Variants in TMEM117 observed in about 807,000 individuals in gnomAD.
TMEM117 encodes transmembrane protein 117.
In TMEM117, 27 loss-of-function variants were observed where a neutral mutation model predicts 52.4. The observed-to-expected ratio is 0.51, with a 90% CI of 0.38 to 0.71. The LOEUF (loss-of-function observed/expected upper bound fraction) is 0.71, where lower values mean the gene tolerates loss of function less well. Ranked by LOEUF, TMEM117 falls within the 30% of genes least tolerant of loss-of-function variation. TMEM117 has a pLI of 0.00. For synonymous variants in TMEM117, 215 were observed against 206.3 expected (o/e 1.04, Z -0.36); for missense variants, 556 against 630.5 (o/e 0.88, Z 1.26).
chr12:43,958,876 G>A (rs1478959572), intron 3 of TMEM117, among the ~76,000 whole-genome samples: 1 of 152,006 alleles, frequency 6.6e-6, no homozygotes, highest in Non-Finnish European at 1.5e-5. Context: ...GCGGGATCTC[G>A]GCTCACTGCA....
chr12:44,139,173 A>G (rs1948535141), intron 3 of TMEM117, among the ~76,000 whole-genome samples: 1 of 152,116 alleles, frequency 6.6e-6, no homozygotes, highest in African/African-American at 2.4e-5. Flanking sequence ...TCAGTGAAGT[A>G]TGGATCCATA....
chr12:44,226,024 C>T (rs929262072), intron 5 of TMEM117, among the ~76,000 whole-genome samples: 3 of 152,192 alleles, frequency 2.0e-5, no homozygotes, highest in Non-Finnish European at 2.9e-5. Flanking sequence ...CACCCATACA[C>T]ATGTTCATTT....
chr12:44,156,785 G>C (rs1948831369), intron 4 of TMEM117, among the ~76,000 whole-genome samples: 1 of 152,018 alleles, frequency 6.6e-6, no homozygotes, highest in Admixed American at 6.6e-5. Context: ...TATGAAGAGG[G>C]TTGGCTTTCT....
intron 3 of TMEM117, among the ~76,000 whole-genome samples, chr12:43,993,398 T>G (rs1418408316): frequency 1.3e-5 from 2 of 152,224 alleles, no homozygotes; most frequent in Non-Finnish European, 2.9e-5. Context: ...TCACTTGTAC[T>G]ATATGCCTCA....
At chr12:44,097,836 G>A (rs2138065347) in intron 3 of TMEM117, among the ~76,000 whole-genome samples, 2 of 151,484 alleles carry the variant, frequency 1.3e-5, no homozygotes, top group South Asian at 4.2e-4. Context: ...TTGTGCACAT[G>A]TACCCTAAAA....
At chr12:43,880,637 G>T (rs1592329291) in intron 2 of TMEM117, among the ~76,000 whole-genome samples, 1 of 152,282 alleles carries the variant, frequency 6.6e-6, no homozygotes, top group Non-Finnish European at 1.5e-5. Flanking sequence ...TCTCCTGCAG[G>T]CTGAGACAGT....
chr12:44,135,117 T>C (rs965779743), intron 3 of TMEM117, among the ~76,000 whole-genome samples: 1 of 152,222 alleles, frequency 6.6e-6, no homozygotes, highest in Non-Finnish European at 1.5e-5. Context: ...ATCACTGGGT[T>C]ATTTTCTCAT....
the TMEM117 span, among the ~76,000 whole-genome samples, chr12:43,826,944 G>A: frequency 2.0e-5 from 3 of 151,950 alleles, no homozygotes; most frequent in East Asian, 5.8e-4. Flanking sequence ...GTTGGTTGAC[G>A]ATGCAATGAC....
the TMEM117 span, among the ~76,000 whole-genome samples, chr12:44,394,922 C>T: frequency 6.6e-6 from 1 of 152,322 alleles, no homozygotes; most frequent in Admixed American, 6.5e-5. Context: ...AGCCACAGTG[C>T]TTTGTAGAAT....
chr12:44,334,185 T>C (rs1183661469), intron 6 of TMEM117, among the ~76,000 whole-genome samples: 2 of 152,092 alleles, frequency 1.3e-5, no homozygotes, highest in East Asian at 3.9e-4. Flanking sequence ...TTCTTAAGTA[T>C]GATTTCAAAT....
intron 2 of TMEM117, among the ~76,000 whole-genome samples, chr12:43,883,069 G>A (rs1280258320): frequency 3.3e-5 from 5 of 152,068 alleles, no homozygotes; most frequent in African/African-American, 4.8e-5. Flanking sequence ...GTTTCCAATG[G>A]TGGTTTTTGT....
At chr12:43,991,436 G>GT (rs1353229573) in intron 3 of TMEM117, among the ~76,000 whole-genome samples, 1 of 74,736 alleles carries the variant, frequency 1.3e-5, no homozygotes, top group Non-Finnish European at 2.9e-5. Flanking sequence ...AATATTTATT[G>GT]TTATCTATCT....
chr12:44,319,771 A>G lies in TMEM117; in HGVS notation c.768+20032A>G, dbSNP rs542768677. The stretch of plus-strand genomic sequence containing the variant: ...TGTCTTCTGACTACCAGTTAATTCA[A>G]TATTTAAAATTCATTCTTTGGTTTT... On this transcript the variant is annotated intron_variant, in intron 6 of 7. Transcript: ENST00000266534. Among the ~76,000 whole-genome samples, 89 of 152,304 alleles carry G rather than the reference A, an allele frequency of 5.8e-4. 1 individual carries two copies. The highest frequency in any genetic ancestry group is 1.1e-3 in the Non-Finnish European group (74 of 68,026).
intron 4 of TMEM117, among the ~76,000 whole-genome samples, chr12:44,210,538 G>T (rs1042929134): frequency 3.3e-5 from 5 of 152,098 alleles, no homozygotes; most frequent in African/African-American, 7.2e-5. Flanking sequence ...CTTAGAAGAG[G>T]TAGAAAGATC....
intron 3 of TMEM117, among the ~76,000 whole-genome samples, chr12:44,117,623 G>A (rs79742390): frequency 0.01 from 1,578 of 152,160 alleles, 11 homozygotes; most frequent in Non-Finnish European, 0.018. Context: ...ATGAAACTAG[G>A]CCATATCTTG....
At chr12:44,186,940 A>G (rs1408403955) in intron 4 of TMEM117, among the ~76,000 whole-genome samples, 1 of 152,134 alleles carries the variant, frequency 6.6e-6, no homozygotes, top group African/African-American at 2.4e-5. Flanking sequence ...TGAAGCAGTT[A>G]CCCTACCTTT....
chr12:44,191,612 G>A (rs1949355687), intron 4 of TMEM117, among the ~76,000 whole-genome samples: 1 of 151,912 alleles, frequency 6.6e-6, no homozygotes, highest in South Asian at 2.1e-4. Context: ...ATTTTTTGAG[G>A]GCAGAAACTC....
At chr12:43,962,702 C>T (rs1030828990) in intron 3 of TMEM117, among the ~76,000 whole-genome samples, 4 of 152,172 alleles carry the variant, frequency 2.6e-5, no homozygotes, top group South Asian at 2.1e-4. Flanking sequence ...GGGCGGATCA[C>T]GAGGTCAGGA....
At chr12:44,130,690 A>G (rs1485118930) in intron 3 of TMEM117, among the ~76,000 whole-genome samples, 1 of 152,040 alleles carries the variant, frequency 6.6e-6, no homozygotes, top group Admixed American at 6.6e-5. Context: ...CTAAATATAG[A>G]TAGAATTTTG....
Sources: gnomAD v4.1 joint callset for allele counts (sites outside exome capture counted in the v4.1 genomes callset) on GRCh38, gnomAD v4.1.1 for gene constraint, MANE v1.5 for transcripts, NCBI Gene and HGNC (gene_info 2026-07-23, HGNC 2026-07-21) for gene names.